IDE: variants seen among roughly 807,000 people sequenced by gnomAD.
The protein encoded by IDE is insulin-degrading enzyme.
IDE carries 58 observed loss-of-function variants against 133.2 expected under a neutral mutation model. The ratio of observed to expected loss-of-function variants is 0.44; its 90% CI spans 0.35 to 0.54. The LOEUF (loss-of-function observed/expected upper bound fraction) is 0.54. Ranked by LOEUF, IDE falls within the 20% of genes least tolerant of loss-of-function variation. IDE has a pLI of 0.00. For missense variants in IDE, 981 were observed against 1,234.0 expected (o/e 0.79, Z 3.07); for synonymous variants, 396 against 421.3 (o/e 0.94, Z 0.73).
intron 11 of IDE, among the ~76,000 whole-genome samples, chr10:92,500,738 C>G (rs539078935): frequency 2.0e-5 from 3 of 151,712 alleles, no homozygotes; most frequent in Non-Finnish European, 2.9e-5. Flanking sequence ...TGGTTTAATT[C>G]CTCCCACATT....
chr10:92,473,861 A>G (rs1846111951), intron 17 of IDE, among the ~76,000 whole-genome samples: 1 of 152,080 alleles, frequency 6.6e-6, no homozygotes, highest in African/African-American at 2.4e-5. Flanking sequence ...ATACACCTGT[A>G]ATCCCAGCTA....
intron 2 of IDE, among the ~76,000 whole-genome samples, chr10:92,535,126 C>T (rs763978721): frequency 1.8e-4 from 28 of 152,014 alleles, no homozygotes; most frequent in Admixed American, 6.6e-5. Context: ...ATTTTTGAGA[C>T]GGAGTCTTGC....
At position 92,515,459 on chromosome 10, in the gene IDE, CTG is replaced by C. The variant is rs1848858806; in HGVS notation, c.662-419_662-418del. On this transcript the variant is annotated intron_variant, in intron 4 of 24. Coordinates refer to ENST00000265986, the MANE Select transcript of IDE (RefSeq NM_004969.4). ...TATTTTTAGTAGAGATGGGGTTTCA[CTG>C]TGTTAGCCAGGCTGGTCTCGATCTC... 2.0e-5 allele frequency among the ~76,000 whole-genome samples: 3 copies of C among 151,138 alleles called. No homozygotes were observed. The East Asian group carries it at 5.9e-4, about 30-fold the overall frequency.
intron 19 of IDE, among the ~76,000 whole-genome samples, chr10:92,467,068 T>C (rs1303154392): frequency 1.3e-5 from 2 of 152,040 alleles, no homozygotes; most frequent in African/African-American, 2.4e-5. Flanking sequence ...TCCTTTATAA[T>C]GCTTGAAAAT....
Position 92,570,042 on chromosome 10 carries a change from G to T in IDE, c.98+3880C>A, listed in dbSNP as rs1843715613. On this transcript the variant is annotated intron_variant, in intron 1 of 24. Transcript: ENST00000265986. ...GAAGAATCACTTGAACCCGGGAGGT[G>T]GAAGTTGCAGTGAGCCAAGATCGTG... is the stretch of plus-strand genomic sequence containing the variant. 1.3e-5 allele frequency among the ~76,000 whole-genome samples: 2 copies of T among 152,020 alleles called. 1 individual carries two copies. The highest frequency in any genetic ancestry group is 1.3e-4 in the Admixed American group (2 of 15,264).
chr10:92,468,958 G>A lies in IDE; in HGVS notation c.2241C>T (p.Asp747=), dbSNP rs1471058354. Residue 747 remains aspartate (D), a synonymous_variant, in exon 19 of 25, where the codon GAC becomes GAT. Coordinates refer to ENST00000265986, the MANE Select transcript of IDE (RefSeq NM_004969.4). Reference sequence around the variant, plus strand: ...TGGTATGAGCATGTTCAATGAGGGTGTCTTCAACCATCTGCATAATTCCTA... The same window carrying A: ...TGGTATGAGCATGTTCAATGAGGGTATCTTCAACCATCTGCATAATTCCTA... ...AALGIMQMVE[D]TLIEHAHTKP... is the part of the protein sequence containing the mutation. 5 of 1,611,166 alleles carry A rather than the reference G, an allele frequency of 3.1e-6. No homozygotes were observed. Among genetic ancestry groups the A allele is most frequent in the African/African-American group, 1.3e-5 (1 of 74,878 alleles).
At chr10:92,497,087 T>A (rs952544234) in intron 11 of IDE, among the ~76,000 whole-genome samples, 2 of 152,238 alleles carry the variant, frequency 1.3e-5, no homozygotes, top group Non-Finnish European at 2.9e-5. Context: ...ACCGTCGTTA[T>A]CACTAGGACT....
At chr10:92,547,429 G>C (rs561556650) in intron 1 of IDE, among the ~76,000 whole-genome samples, 93 of 152,010 alleles carry the variant, frequency 6.1e-4, no homozygotes, top group African/African-American at 2.1e-3. Context: ...AAGAGTTATC[G>C]ACCTGTAAGT....
intron 3 of IDE, 121 bp from the exon 4 acceptor site, chr10:92,532,038 T>C: frequency 1.8e-6 from 1 of 559,094 alleles, no homozygotes; most frequent in South Asian, 4.0e-5. Context: ...GAAACAAAAC[T>C]ACCATTGCTA....
In IDE at chr10:92,537,347, T is replaced by G; in HGVS notation, c.283+19A>C. On this transcript the variant is annotated intron_variant, in intron 2 of 24. Transcript: ENST00000265986. ...TCAATGAAACAAAACAAAGCTTAAT[T>G]CACAATTTTCAATTGTACCTATGTG... 1 of 1,566,424 alleles carries G rather than the reference T, an allele frequency of 6.4e-7. No individual in the cohort carries two copies. Among genetic ancestry groups the G allele is most frequent in the Non-Finnish European group, 8.7e-7 (1 of 1,154,934 alleles).
chr10:92,474,848 A>G lies in IDE; in HGVS notation c.2109T>C (p.Ala703=), dbSNP rs1319358433. 1 of 1,610,072 alleles carries G rather than the reference A, an allele frequency of 6.2e-7. No individual in the cohort carries two copies. The highest frequency in any genetic ancestry group is 8.5e-7 in the Non-Finnish European group (1 of 1,178,964). ...VAWTKDELKE[A]LDDVTLPRLK... is the part of the protein sequence containing the mutation. ...TTAAGTAGAAAGTCTCACCATCCAG[A>G]GCTTCTTTTAACTCATCTTTAGTCC... Residue 703 remains alanine (A), a synonymous_variant, in exon 17 of 25, where the codon GCT becomes GCC. Transcript: ENST00000265986.
chr10:92,551,666 A>C (rs1842790737), intron 1 of IDE, among the ~76,000 whole-genome samples: 1 of 152,118 alleles, frequency 6.6e-6, no homozygotes, highest in Non-Finnish European at 1.5e-5. Flanking sequence ...TCAAATTCAC[A>C]GACAGAAAAC....
At chr10:92,467,029 A>G (rs889888983) in intron 19 of IDE, among the ~76,000 whole-genome samples, 5 of 152,108 alleles carry the variant, frequency 3.3e-5, no homozygotes, top group African/African-American at 1.2e-4. Flanking sequence ...TCAAAAAATA[A>G]TAACAAAAAT....
intron 1 of IDE, among the ~76,000 whole-genome samples, chr10:92,556,278 A>G (rs984587989): frequency 6.6e-6 from 1 of 152,112 alleles, no homozygotes; most frequent in African/African-American, 2.4e-5. Context: ...ATTTCCATAC[A>G]GTAGCAATGA....
At chr10:92,570,169 T>C (rs574710175) in intron 1 of IDE, among the ~76,000 whole-genome samples, 1 of 152,032 alleles carries the variant, frequency 6.6e-6, no homozygotes, top group Non-Finnish European at 1.5e-5. Context: ...TTGAGAAGAA[T>C]AAAATAATTT....
At position 92,470,288 on chromosome 10, in the gene IDE, A is replaced by G; in HGVS notation, c.2174T>C (p.Ile725Thr). 1.9e-6 allele frequency: 3 copies of G among 1,605,754 alleles called. No individual in the cohort carries two copies. Among genetic ancestry groups the G allele is most frequent in the Non-Finnish European group, 2.6e-6 (3 of 1,175,634 alleles). The change falls in exon 18 of 25, where the codon ATT becomes ACT. Residue 725 changes from isoleucine to threonine, a missense_variant. This residue lies in a region of IDE where 660 missense variants were observed against 894.7 expected (regional missense o/e 0.74). Coordinates refer to ENST00000265986, the MANE Select transcript of IDE (RefSeq NM_004969.4). ...TATGTTTCCATGGAGAAGGGCTTCA[A>G]TGTGCAGCCGTGACAGGAGCTGAGG... ...FIPQLLSRLHIEALLHGNITK... is the reference protein window; with the variant it reads ...FIPQLLSRLHTEALLHGNITK...
intron 11 of IDE, among the ~76,000 whole-genome samples, chr10:92,501,917 G>A (rs1187855930): frequency 1.3e-5 from 2 of 152,166 alleles, no homozygotes; most frequent in African/African-American, 4.8e-5. Flanking sequence ...GGAGGTTGCA[G>A]TAAGCCGAGA....
chr10:92,546,354 C>A (rs545939795), intron 1 of IDE, among the ~76,000 whole-genome samples: 2 of 152,090 alleles, frequency 1.3e-5, no homozygotes, highest in East Asian at 3.8e-4. Context: ...TTGAACACTG[C>A]CATCTTTCAA....
chr10:92,506,334 T>G, intron 10 of IDE, 108 bp downstream of exon 10: 1 of 518,576 alleles, frequency 1.9e-6, no homozygotes, highest in South Asian at 4.1e-5. Flanking sequence ...GTTGAAAGCT[T>G]TATACCTCAG....
Sources: allele counts gnomAD v4.1 joint callset (sites outside exome capture counted in the v4.1 genomes callset), GRCh38; gene constraint gnomAD v4.1.1; regional missense constraint gnomAD v4.1.1; transcripts MANE v1.5; gene names NCBI Gene and HGNC (gene_info 2026-07-23, HGNC 2026-07-21).